The following ACYP2 variants were observed in gnomAD, a reference collection of about 807,000 sequenced individuals.
The protein encoded by ACYP2 is acylphosphatase-2.
ACYP2 carries 12 observed loss-of-function variants against 11.2 expected under a neutral mutation model. The ratio of observed to expected loss-of-function variants is 1.08; its 90% CI spans 0.69 to 1.74. The LOEUF is 1.74. Ranked by LOEUF, ACYP2 falls within the 40% of genes most tolerant of loss-of-function variation. The pLI, the probability that ACYP2 is intolerant of heterozygous loss-of-function variation, is 0.00. For synonymous variants in ACYP2, 43 were observed against 32.2 expected (o/e 1.33, Z -1.13); for missense variants, 134 against 101.9 (o/e 1.31, Z -1.35).
intron 2 of ACYP2, among the ~76,000 whole-genome samples, chr2:53,993,781 C>T (rs1223833249): frequency 6.6e-6 from 1 of 151,972 alleles, no homozygotes; most frequent in Non-Finnish European, 1.5e-5. Flanking sequence ...GCAACACCCT[C>T]AGTTGGGAGT....
intron 6 of ACYP2, among the ~76,000 whole-genome samples, chr2:54,285,779 A>G (rs1296477184): frequency 6.6e-6 from 1 of 152,208 alleles, no homozygotes; most frequent in Non-Finnish European, 1.5e-5. Flanking sequence ...GCAAACATAT[A>G]TAATCTTCCT....
chr2:54,242,911 A>T (rs1291671507), intron 6 of ACYP2, among the ~76,000 whole-genome samples: 1 of 152,208 alleles, frequency 6.6e-6, no homozygotes, highest in East Asian at 1.9e-4. Flanking sequence ...ATGATGCATG[A>T]CCGTATGTAT....
rs146394792 is a variant in ACYP2 at position 54,127,819 on chromosome 2, A to G, written c.278-7634A>G. On this transcript the variant is annotated intron_variant, in intron 4 of 6. Coordinates refer to ENST00000607452, the MANE Select transcript of ACYP2 (RefSeq NM_001320586.2). ...GAAGGAAAGCCAATGCAGACAAATG[A>G]CACATTTTTAAATTGAAGTTTTCAT... 4.6e-3 allele frequency among the ~76,000 whole-genome samples: 700 copies of G among 152,048 alleles called. 10 individuals carry two copies. Among genetic ancestry groups the G allele is most frequent in the African/African-American group, 0.016 (662 of 41,500 alleles).
intron 4 of ACYP2, chr2:54,084,945 A>G (rs897815970): frequency 6.6e-6 from 1 of 152,150 alleles, no homozygotes; most frequent in Non-Finnish European, 1.5e-5. Context: ...AGATGTGATG[A>G]TGGTAATGTG....
chr2:54,042,236 C>T (rs1289640974), intron 2 of ACYP2, among the ~76,000 whole-genome samples: 2 of 152,182 alleles, frequency 1.3e-5, no homozygotes, highest in South Asian at 2.1e-4. Flanking sequence ...GAACTCTCAA[C>T]CTCAGGTGAT....
At chr2:54,057,176 C>T (rs947807172) in intron 3 of ACYP2, 2 of 395,400 alleles carry the variant, frequency 5.1e-6, no homozygotes, top group Admixed American at 4.4e-5. Context: ...AACTATGCAA[C>T]CTGCCCTTGG....
intron 4 of ACYP2, among the ~76,000 whole-genome samples, chr2:54,100,285 T>C (rs1678821799): frequency 6.6e-6 from 1 of 151,564 alleles, no homozygotes. Context: ...TCTAGTTTTA[T>C]GTTAAAATAT....
intron 4 of ACYP2, among the ~76,000 whole-genome samples, chr2:54,110,640 G>C (rs1049246326): frequency 6.6e-6 from 1 of 152,114 alleles, no homozygotes; most frequent in Admixed American, 6.6e-5. Context: ...CATTTTAAAA[G>C]AGTTTTAAGA....
At chr2:54,058,899 C>A (rs1276458253) in intron 4 of ACYP2, among the ~76,000 whole-genome samples, 1 of 152,154 alleles carries the variant, frequency 6.6e-6, no homozygotes, top group African/African-American at 2.4e-5. Flanking sequence ...TCTTTCCACC[C>A]AGATGGGGGT....
At chr2:54,087,905 A>G (rs931280232) in intron 4 of ACYP2, among the ~76,000 whole-genome samples, 2 of 128,124 alleles carry the variant, frequency 1.6e-5, no homozygotes, top group Non-Finnish European at 3.5e-5. Flanking sequence ...ACACAGATTA[A>G]GGATATAAAA....
Position 54,083,096 on chromosome 2 carries a change from T to A in ACYP2, c.277+25736T>A, listed in dbSNP as rs372512213. Among the ~76,000 whole-genome samples, 460 of 125,948 alleles carry A rather than the reference T, an allele frequency of 3.7e-3. 1 individual carries two copies. Among genetic ancestry groups the A allele is most frequent in the African/African-American group, 0.012 (433 of 37,632 alleles). The allele number at this position is 125,948 out of a possible 152,430, so 82.6% of individuals were successfully genotyped here. A position where few individuals can be genotyped will look rare whatever the true frequency, so the allele number is the denominator to read the frequency against. ...CTCAAAAAAAAAAAGAAAAAAAAAA[T>A]AGTCACTATTTCTCAGGAAAATTAC... On this transcript the variant is annotated intron_variant, in intron 4 of 6. Coordinates refer to ENST00000607452, the MANE Select transcript of ACYP2 (RefSeq NM_001320586.2).
chr2:54,006,650 C>G (rs752301603), intron 2 of ACYP2, among the ~76,000 whole-genome samples: 2 of 151,898 alleles, frequency 1.3e-5, no homozygotes, highest in Non-Finnish European at 2.9e-5. Flanking sequence ...TTTTTGTTTT[C>G]CCAGACAGGG....
chr2:54,071,463 T>C (rs534880673), intron 4 of ACYP2, among the ~76,000 whole-genome samples: 109 of 152,112 alleles, frequency 7.2e-4, no homozygotes, highest in South Asian at 3.1e-3. Flanking sequence ...ATTGTGTTTT[T>C]CTTTTCTGTC....
At chr2:54,228,044 G>A (rs1240303856) in intron 6 of ACYP2, among the ~76,000 whole-genome samples, 1 of 152,210 alleles carries the variant, frequency 6.6e-6, no homozygotes, top group Non-Finnish European at 1.5e-5. Flanking sequence ...AGTATGAACA[G>A]GTTCAGGCTG....
chr2:54,002,410 A>T (rs958814750), intron 2 of ACYP2, among the ~76,000 whole-genome samples: 1 of 151,374 alleles, frequency 6.6e-6, no homozygotes, highest in Non-Finnish European at 1.5e-5. Flanking sequence ...CGGTGGCACA[A>T]TCTTGGCTCA....
At chr2:54,005,342 A>AT (rs768882230) in intron 2 of ACYP2, among the ~76,000 whole-genome samples, 55,738 of 141,734 alleles carry the variant, frequency 0.39, 11,036 homozygotes, top group South Asian at 0.49. Context: ...ATGAAAGTCT[A>AT]TTTTTTTTTT....
chr2:54,000,116 T>A (rs898002069), intron 2 of ACYP2, among the ~76,000 whole-genome samples: 10 of 151,642 alleles, frequency 6.6e-5, no homozygotes, highest in Non-Finnish European at 1.0e-4. Context: ...CTTATTTCTA[T>A]ATAATAGAAA....
intron 2 of ACYP2, among the ~76,000 whole-genome samples, chr2:53,996,195 C>G (rs112185568): frequency 0.025 from 3,757 of 152,104 alleles, 153 homozygotes; most frequent in African/African-American, 0.086. Context: ...ATAGTTGGTT[C>G]TAAGAGAATA....
Position 54,152,393 on chromosome 2 carries a change from G to A in ACYP2, c.404+13645G>A, listed in dbSNP as rs10194689. On this transcript the variant is annotated intron_variant, in intron 6 of 6. Coordinates refer to ENST00000607452, the MANE Select transcript of ACYP2 (RefSeq NM_001320586.2). ...CTCACCTCAGCTTCCCAAAGTGCTG[G>A]GATTACTGGCATGAGCCACTGTGCC... is the stretch of plus-strand genomic sequence containing the variant. Among the ~76,000 whole-genome samples, 659 of 152,134 alleles carry A rather than the reference G, an allele frequency of 4.3e-3. 1 individual carries two copies. The highest frequency in any genetic ancestry group is 0.015 in the African/African-American group (634 of 41,502).
Sources: gnomAD v4.1 joint callset for allele counts (sites outside exome capture counted in the v4.1 genomes callset) on GRCh38, gnomAD v4.1.1 for gene constraint, MANE v1.5 for transcripts, NCBI Gene and HGNC (gene_info 2026-07-23, HGNC 2026-07-21) for gene names.